Variants in CXCL13 observed in about 807,000 individuals in gnomAD.
CXCL13 encodes C-X-C motif chemokine ligand 13.
CXCL13 carries 7 observed loss-of-function variants against 12.2 expected under a neutral mutation model. That is an observed-to-expected ratio of 0.57 (90% confidence interval 0.33 to 1.07). The LOEUF is 1.07. Among genes scored for constraint, CXCL13 ranks in the 50% least tolerant of loss-of-function variants. The probability of loss-of-function intolerance (pLI) is 0.04; values close to 1 mark genes in which losing one functional copy is unlikely to be tolerated. For missense variants in CXCL13, 113 were observed against 127.4 expected, an observed-to-expected ratio of 0.89 and a Z score of 0.55; for synonymous variants, 47 against 42.4, an observed-to-expected ratio of 1.11 and a Z score of -0.42.
upstream of CXCL13, among the ~76,000 whole-genome samples, chr4:77,603,739 C>A (rs2109836338): frequency 6.6e-6 from 1 of 152,198 alleles, no homozygotes; most frequent in South Asian, 2.1e-4. Flanking sequence ...TCCCTAAACA[C>A]CTCACTTTGA....
intron 1 of CXCL13, among the ~76,000 whole-genome samples, chr4:77,582,365 T>A (rs1055679071): frequency 6.6e-6 from 1 of 152,142 alleles, no homozygotes; most frequent in South Asian, 2.1e-4. Context: ...TAAGAGACCA[T>A]GCAATAACAA....
intron 1 of CXCL13, among the ~76,000 whole-genome samples, chr4:77,515,228 A>C (rs1052166395): frequency 6.6e-6 from 1 of 152,294 alleles, no homozygotes; most frequent in African/African-American, 2.4e-5. Flanking sequence ...TATAGTTTGA[A>C]GTCAGGTAGC....
At chr4:77,530,419 G>A (rs1342011366) in intron 1 of CXCL13, among the ~76,000 whole-genome samples, 1 of 151,158 alleles carries the variant, frequency 6.6e-6, no homozygotes, top group Non-Finnish European at 1.5e-5. Context: ...ACTTTTTTTG[G>A]TTGGTAAGCT....
At chr4:77,522,332 G>A (rs892921538) in intron 1 of CXCL13, among the ~76,000 whole-genome samples, 1 of 151,804 alleles carries the variant, frequency 6.6e-6, no homozygotes, top group South Asian at 2.1e-4. Context: ...TCTCTTTGTA[G>A]GTCTCTAAGG....
At chr4:77,582,072 A>AG (rs1726347162) in intron 1 of CXCL13, among the ~76,000 whole-genome samples, 2 of 152,000 alleles carry the variant, frequency 1.3e-5, no homozygotes, top group African/African-American at 2.4e-5. Context: ...ATGGAAAGAA[A>AG]AAAAACATCA....
chr4:77,554,233 A>G (rs1279826922), intron 1 of CXCL13, among the ~76,000 whole-genome samples: 2 of 152,098 alleles, frequency 1.3e-5, no homozygotes, highest in Non-Finnish European at 2.9e-5. Flanking sequence ...ATTATTATAT[A>G]ATAAAATAAT....
At chr4:77,544,790 C>T (rs1015272037) in intron 1 of CXCL13, among the ~76,000 whole-genome samples, 6 of 152,144 alleles carry the variant, frequency 3.9e-5, no homozygotes, top group Non-Finnish European at 8.8e-5. Context: ...GTTGCCATTG[C>T]TTTTGGTATT....
intron 1 of CXCL13, among the ~76,000 whole-genome samples, chr4:77,546,063 T>C (rs1725354713): frequency 6.6e-6 from 1 of 152,230 alleles, no homozygotes; most frequent in African/African-American, 2.4e-5. Context: ...TTGATTTGCA[T>C]ATGTTAAACC....
chr4:77,546,561 G>T (rs1303316750), intron 1 of CXCL13, among the ~76,000 whole-genome samples: 1 of 152,162 alleles, frequency 6.6e-6, no homozygotes, highest in Non-Finnish European at 1.5e-5. Context: ...TTCTCTGATG[G>T]TAGTTTGTAT....
intron 1 of CXCL13, among the ~76,000 whole-genome samples, chr4:77,522,607 G>A (rs1414533885): frequency 1.4e-5 from 2 of 139,382 alleles, no homozygotes; most frequent in East Asian, 4.4e-4. Context: ...GTGTGTCTCT[G>A]CATGTGAGAT....
rs530058859 is a variant in CXCL13, at chr4:77,522,243, G to A, written c.-43+10455G>A. ...TATTAGGTCTGCTTGGTGCAGAGCC[G>A]AGTTCAATTCCTGGATATCTGTCTA... On this transcript the variant is annotated intron_variant, in intron 1 of 4. Transcript: ENST00000286758. 3.8e-4 allele frequency among the ~76,000 whole-genome samples: 58 copies of A among 151,902 alleles called. 1 individual carries two copies. The highest frequency in any genetic ancestry group is 1.3e-3 in the African/African-American group (52 of 41,488).
At chr4:77,610,092 C>T (rs1366724916) in intron 2 of CXCL13, among the ~76,000 whole-genome samples, 1 of 152,168 alleles carries the variant, frequency 6.6e-6, no homozygotes, top group Non-Finnish European at 1.5e-5. Flanking sequence ...AAAAATCTTG[C>T]TAAGTGGTAA....
chr4:77,611,730 CTT>C lies in CXCL13; in HGVS notation c.*697_*698del. The stretch of plus-strand genomic sequence containing the variant: ...CTTTCACTCACATCTTTTTCACTGA[CTT>C]TTTTTGTGGGGGGCGGGGCCGGGGG... On this transcript the variant is annotated 3_prime_UTR_variant, in exon 4 of 4. Coordinates refer to ENST00000682537, the MANE Select transcript of CXCL13 (RefSeq NM_001371558.1). The C allele has an allele frequency of 2.6e-6, 1 of 381,204 alleles. No homozygotes were observed. 23.6% of individuals were successfully genotyped at this position (381,204 alleles called of 1,614,324 possible).
At chr4:77,547,714 G>A (rs1725404752) in intron 1 of CXCL13, among the ~76,000 whole-genome samples, 1 of 151,944 alleles carries the variant, frequency 6.6e-6, no homozygotes, top group South Asian at 2.1e-4. Context: ...GTTTAAATTG[G>A]GCATTTAGTC....
intron 1 of CXCL13, among the ~76,000 whole-genome samples, chr4:77,552,886 G>A (rs888302691): frequency 6.6e-6 from 1 of 152,210 alleles, no homozygotes; most frequent in Non-Finnish European, 1.5e-5. Context: ...GGCTGAGGCT[G>A]TTGATCCAGG....
chr4:77,558,701 AT>A (rs1175099461), intron 1 of CXCL13, among the ~76,000 whole-genome samples: 2 of 152,178 alleles, frequency 1.3e-5, no homozygotes, highest in Non-Finnish European at 2.9e-5. Flanking sequence ...GATTCAAGAT[AT>A]GGGGGGCATC....
chr4:77,519,112 T>C (rs1463423621), intron 1 of CXCL13, among the ~76,000 whole-genome samples: 1 of 152,176 alleles, frequency 6.6e-6, no homozygotes, highest in Non-Finnish European at 1.5e-5. Context: ...CAGTGGTTTT[T>C]TGTGAACCGT....
At chr4:77,512,663 A>G (rs1014022327) in intron 1 of CXCL13, among the ~76,000 whole-genome samples, 1 of 151,942 alleles carries the variant, frequency 6.6e-6, no homozygotes, top group African/African-American at 2.4e-5. Context: ...CTCTTTAAAA[A>G]CCCTGTCTCC....
chr4:77,545,482 C>G (rs1725338005), intron 1 of CXCL13, among the ~76,000 whole-genome samples: 2 of 152,050 alleles, frequency 1.3e-5, no homozygotes, highest in Non-Finnish European at 2.9e-5. Context: ...AAGGTGGATT[C>G]CTAGGTATTT....
Sources: allele counts gnomAD v4.1 joint callset (sites outside exome capture counted in the v4.1 genomes callset), GRCh38; gene constraint gnomAD v4.1.1; transcripts MANE v1.5; gene names NCBI Gene and HGNC (gene_info 2026-07-23, HGNC 2026-07-21).